MAGI2: variants seen among roughly 807,000 people sequenced by gnomAD.
MAGI2 encodes the protein membrane associated guanylate kinase, WW and PDZ domain containing 2.
MAGI2 carries 35 observed loss-of-function variants against 133.3 expected under a neutral mutation model. The observed-to-expected ratio is 0.26, with a 90% CI of 0.20 to 0.35. MAGI2 has a LOEUF of 0.35. Ranked by LOEUF, MAGI2 falls within the 10% of genes least tolerant of loss-of-function variation. The probability of loss-of-function intolerance (pLI) is 1.00; values close to 1 mark genes in which losing one functional copy is unlikely to be tolerated. For synonymous variants in MAGI2, 729 were observed against 710.6 expected (o/e 1.03, Z -0.41); for missense variants, 1,636 against 1,863.4 (o/e 0.88, Z 2.25).
At chr7:78,278,131 A>AGT (rs1238862541) in intron 9 of MAGI2, among the ~76,000 whole-genome samples, 1 of 152,134 alleles carries the variant, frequency 6.6e-6, no homozygotes, top group Admixed American at 6.6e-5. Flanking sequence ...ATTTCAGCAA[A>AGT]GTAGGGTAAG....
intron 1 of MAGI2, among the ~76,000 whole-genome samples, chr7:79,355,715 A>AT (rs1343641277): frequency 1.3e-5 from 2 of 152,212 alleles, no homozygotes; most frequent in African/African-American, 4.8e-5. Context: ...AGTTCTACCT[A>AT]TTTTTATCAA....
chr7:78,573,333 AATAT>A (rs1248899433), intron 3 of MAGI2, among the ~76,000 whole-genome samples: 1 of 56,588 alleles, frequency 1.8e-5, no homozygotes, highest in Non-Finnish European at 2.9e-5. Flanking sequence ...TATATATATA[AATAT>A]ATATATATAG....
At chr7:78,413,466 C>G (rs1258267677) in intron 6 of MAGI2, among the ~76,000 whole-genome samples, 1 of 151,826 alleles carries the variant, frequency 6.6e-6, no homozygotes. Flanking sequence ...AATGGAAGAA[C>G]AGGAGAGTAA....
chr7:78,424,374 G>A (rs556379090), intron 6 of MAGI2, among the ~76,000 whole-genome samples: 2 of 152,318 alleles, frequency 1.3e-5, no homozygotes, highest in African/African-American at 2.4e-5. Context: ...TGGATGCCCA[G>A]GTAGAAGTTT....
intron 2 of MAGI2, among the ~76,000 whole-genome samples, chr7:78,819,823 CA>C (rs1170563855): frequency 1.3e-5 from 2 of 151,764 alleles, no homozygotes; most frequent in Non-Finnish European, 2.9e-5. Flanking sequence ...AGATATTATA[CA>C]AAAAAATTTA....
At chr7:79,421,250 T>C in intron 1 of MAGI2, among the ~76,000 whole-genome samples, 1 of 151,960 alleles carries the variant, frequency 6.6e-6, no homozygotes, top group Non-Finnish European at 1.5e-5. Flanking sequence ...ACCATGTTGC[T>C]TGGCTTATAG....
chr7:78,666,925 T>A (rs986526195), intron 2 of MAGI2, among the ~76,000 whole-genome samples: 1 of 152,296 alleles, frequency 6.6e-6, no homozygotes, highest in South Asian at 2.1e-4. Context: ...CCATTCTTTA[T>A]GAAATGTGAT....
intron 9 of MAGI2, among the ~76,000 whole-genome samples, chr7:78,317,227 T>A (rs1400313714): frequency 6.6e-6 from 1 of 152,216 alleles, no homozygotes; most frequent in Admixed American, 6.5e-5. Context: ...TGAGTGAGAA[T>A]TCATTTGTTC....
intron 2 of MAGI2, among the ~76,000 whole-genome samples, chr7:78,640,889 C>T (rs1462258308): frequency 6.6e-6 from 1 of 152,170 alleles, no homozygotes; most frequent in African/African-American, 2.4e-5. Flanking sequence ...GGCTGTGTCC[C>T]CACCCAAATC....
chr7:78,875,732 T>A (rs1425676208), intron 2 of MAGI2, among the ~76,000 whole-genome samples: 1 of 151,970 alleles, frequency 6.6e-6, no homozygotes, highest in African/African-American at 2.4e-5. Flanking sequence ...AAAAAAATAA[T>A]GAAGCAAATG....
chr7:78,476,072 T>C lies in MAGI2; in HGVS notation c.1045+13689A>G, dbSNP rs137919302. Reference sequence around the variant, plus strand: ...ACTGGGTTCAGAAGTTGTATTCATTTGCATTTTTCATGGCAAATAATTTAA... The same window carrying C: ...ACTGGGTTCAGAAGTTGTATTCATTCGCATTTTTCATGGCAAATAATTTAA... On this transcript the variant is annotated intron_variant, in intron 6 of 21. Coordinates refer to ENST00000354212, the MANE Select transcript of MAGI2 (RefSeq NM_012301.4). Among the ~76,000 whole-genome samples, 583 of 152,060 alleles carry C rather than the reference T, an allele frequency of 3.8e-3. 1 individual carries two copies. Among genetic ancestry groups the C allele is most frequent in the African/African-American group, 0.013 (556 of 41,546 alleles).
chr7:79,279,600 T>C (rs1378505007), intron 1 of MAGI2, among the ~76,000 whole-genome samples: 1 of 151,978 alleles, frequency 6.6e-6, no homozygotes, highest in African/African-American at 2.4e-5. Flanking sequence ...GCCCAGGAGG[T>C]CAAACCTGCA....
At chr7:78,043,218 C>T (rs1357487228) in intron 21 of MAGI2, among the ~76,000 whole-genome samples, 6 of 152,170 alleles carry the variant, frequency 3.9e-5, no homozygotes, top group Admixed American at 3.9e-4. Flanking sequence ...TAACACCTGA[C>T]AAGAAGAGGC....
intron 9 of MAGI2, among the ~76,000 whole-genome samples, chr7:78,296,990 T>C (rs1284168950): frequency 3.3e-5 from 5 of 152,198 alleles, no homozygotes; most frequent in Non-Finnish European, 7.3e-5. Flanking sequence ...ACTATGAAAC[T>C]AGGGCTACTT....
At chr7:78,672,947 A>G (rs1585044429) in intron 2 of MAGI2, among the ~76,000 whole-genome samples, 1 of 152,334 alleles carries the variant, frequency 6.6e-6, no homozygotes, top group East Asian at 1.9e-4. Flanking sequence ...AATGGCTTTT[A>G]TCATGCTTAG....
chr7:79,346,635 G>T (rs563411515), intron 1 of MAGI2, among the ~76,000 whole-genome samples: 1 of 151,840 alleles, frequency 6.6e-6, no homozygotes, highest in Non-Finnish European at 1.5e-5. Flanking sequence ...TCTCAACAAA[G>T]TCTGTGCTTC....
intron 4 of MAGI2, among the ~76,000 whole-genome samples, chr7:78,517,908 A>G (rs3801362): frequency 0.056 from 8,555 of 152,112 alleles, 279 homozygotes; most frequent in Middle Eastern, 0.16. Flanking sequence ...GAGAACTTAT[A>G]TATTTAAAGG....
At chr7:78,852,725 G>C (rs1191990244) in intron 2 of MAGI2, among the ~76,000 whole-genome samples, 1 of 152,038 alleles carries the variant, frequency 6.6e-6, no homozygotes, top group Non-Finnish European at 1.5e-5. Flanking sequence ...GGAAACTACA[G>C]ACCCTAAATG....
chr7:78,938,655 G>T lies in MAGI2; in HGVS notation c.418+68435C>A, dbSNP rs187339914. Among the ~76,000 whole-genome samples, 43 of 152,178 alleles carry T rather than the reference G, an allele frequency of 2.8e-4. 2 individuals carry two copies. In the East Asian group the frequency reaches 7.8e-3, roughly 27 times the overall value. On this transcript the variant is annotated intron_variant, in intron 2 of 21. Coordinates refer to ENST00000354212, the MANE Select transcript of MAGI2 (RefSeq NM_012301.4). ...TGAAATTTACTAAATCCAAGACTGG[G>T]CTACTTAGATATCACTTAAAATCTC...
Sources: allele counts gnomAD v4.1 joint callset (sites outside exome capture counted in the v4.1 genomes callset), GRCh38; gene constraint gnomAD v4.1.1; transcripts MANE v1.5; gene names NCBI Gene and HGNC (gene_info 2026-07-23, HGNC 2026-07-21).